PNPLA7: variants seen among roughly 807,000 people sequenced by gnomAD.
The protein encoded by PNPLA7 is patatin like domain 7, lysophospholipase, also known as patatin-like phospholipase domain-containing protein 7.
In PNPLA7, 153 loss-of-function variants were observed where a neutral mutation model predicts 161.7. That is an observed-to-expected ratio of 0.95 (90% CI 0.83 to 1.08). The LOEUF (loss-of-function observed/expected upper bound fraction) is 1.08. PNPLA7 is among the 50% of genes least tolerant of loss of function. The probability of loss-of-function intolerance (pLI) is 0.00; values close to 1 mark genes in which losing one functional copy is unlikely to be tolerated. For synonymous variants in PNPLA7, 809 were observed against 782.1 expected, an observed-to-expected ratio of 1.03 and a Z score of -0.57; for missense variants, 1,739 against 1,856.6, an observed-to-expected ratio of 0.94 and a Z score of 1.16.
At chr9:137,508,122 G>A (rs1834017724) in intron 12 of PNPLA7, among the ~76,000 whole-genome samples, 1 of 151,724 alleles carries the variant, frequency 6.6e-6, no homozygotes, top group Admixed American at 6.6e-5. Context: ...GAGCCCTCAT[G>A]GGCTGAGGCA....
chr9:137,543,895 A>C lies in PNPLA7; in HGVS notation c.274-80T>G, dbSNP rs1029038309. 4 of 1,239,282 alleles carry C rather than the reference A, an allele frequency of 3.2e-6. No homozygotes were observed. The highest frequency in any genetic ancestry group is 4.7e-6 in the Non-Finnish European group (4 of 846,300). The allele number at this position is 1,239,282 out of a possible 1,614,324, so 76.8% of individuals were successfully genotyped here. ...CTCTTTGCCATGGGGATCAGTCCTC[A>C]GGACCTGCCTGTGGGCCTCCCACAG... On this transcript the variant is annotated intron_variant, in intron 4 of 34. Transcript: ENST00000406427. This position sits in a 1 kb window ranked among gnomAD's most constrained non-coding sequence, Gnocchi z 6.9.
intron 25 of PNPLA7, among the ~76,000 whole-genome samples, chr9:137,475,654 G>A (rs922274929): frequency 3.3e-5 from 5 of 151,360 alleles, no homozygotes; most frequent in South Asian, 2.1e-4. Context: ...GATTACAGGC[G>A]TGAGCCACTG....
chr9:137,488,004 A>T (rs78186448), intron 20 of PNPLA7, among the ~76,000 whole-genome samples: 1 of 152,392 alleles, frequency 6.6e-6, no homozygotes, highest in Non-Finnish European at 1.5e-5. Flanking sequence ...AGTGGAAGGC[A>T]GGTGGCTTCT....
At chr9:137,464,510 A>G in intron 26 of PNPLA7, 54 bp from the exon 27 acceptor site, 1 of 1,508,780 alleles carries the variant, frequency 6.6e-7, no homozygotes, top group Admixed American at 1.7e-5. Context: ...GCGGGCTGCC[A>G]CAGCAGACAC....
In PNPLA7 at chr9:137,524,018, T is replaced by C. The variant is rs1399289682; in HGVS notation, c.748-1161A>G. Among the ~76,000 whole-genome samples, 1 of 152,212 alleles carries C rather than the reference T, an allele frequency of 6.6e-6. No individual in the cohort carries two copies. The highest frequency in any genetic ancestry group is 1.5e-5 in the Non-Finnish European group (1 of 68,032). On this transcript the variant is annotated intron_variant, in intron 8 of 34. Transcript: ENST00000406427. The surrounding 1 kb of genome is among the most constrained non-coding windows in gnomAD (Gnocchi z 4.4). The stretch of plus-strand genomic sequence containing the variant: ...CCTGCATGCAGAGGCAGATTCACCC[T>C]TTTTGGTGCACACCTCTAGCATTTT...
In PNPLA7 at chr9:137,464,411, T is replaced by G; in HGVS notation, c.3085A>C (p.Ile1029Leu). ...CCGGCTCCGGAGAACATGGACGTGA[T>G]GGGGTAGGTGAGGTCCAGCGCGGCC... Reference protein sequence around the residue: ...MKAALDLTYPITSMFSGAGFN... With the variant: ...MKAALDLTYPLTSMFSGAGFN... The change falls in exon 27 of 35, where the codon ATC becomes CTC. Residue 1029 changes from isoleucine (I) to leucine (L), a missense_variant. Physicochemically the swap from Ile to Leu is conservative, Grantham distance 5 (BLOSUM62 2). Transcript: ENST00000406427. 1.2e-6 allele frequency: 2 copies of G among 1,613,894 alleles called. No individual in the cohort carries two copies. The highest frequency in any genetic ancestry group is 1.7e-6 in the Non-Finnish European group (2 of 1,179,978).
chr9:137,540,428 C>T lies in PNPLA7; in HGVS notation c.747+214G>A, dbSNP rs1343223883. Among the ~76,000 whole-genome samples, 2 of 152,198 alleles carry T rather than the reference C, an allele frequency of 1.3e-5. No homozygotes were observed. Among genetic ancestry groups the T allele is most frequent in the Non-Finnish European group, 2.9e-5 (2 of 68,040 alleles). On this transcript the variant is annotated intron_variant, in intron 8 of 34. Coordinates refer to ENST00000406427, the MANE Select transcript of PNPLA7 (RefSeq NM_001098537.3). The surrounding 1 kb of genome is among the most constrained non-coding windows in gnomAD (Gnocchi z 5.1). ...CAGTCATTTAAGAGACAACCAAAAC[C>T]GTTAGCCACATGCCCGGCTATTCTT...
chr9:137,522,135 C>T lies in PNPLA7; in HGVS notation c.877-419G>A, dbSNP rs550474669. On this transcript the variant is annotated intron_variant, in intron 9 of 34. Coordinates refer to ENST00000406427, the MANE Select transcript of PNPLA7 (RefSeq NM_001098537.3). ...TGCCGCCCAGGCTGGAGTGCAGTGG[C>T]ACCATCTCGGCTCACTGCAAGCTCC... is the stretch of plus-strand genomic sequence containing the variant. 9.9e-3 allele frequency among the ~76,000 whole-genome samples: 1,512 copies of T among 152,286 alleles called. 6 individuals carry two copies. Among genetic ancestry groups the T allele is most frequent in the Non-Finnish European group, 0.013 (877 of 68,026 alleles).
rs1017535995 is a variant in PNPLA7 at position 137,550,385 on chromosome 9, G to A, written c.-188C>T. ...TCTCCAGGAAGAAAAGCTGTCTTTT[G>A]AGAAGTGTCTGTCATCTGCTAGGAG... On this transcript the variant is annotated 5_prime_UTR_variant, in exon 1 of 35. It introduces an in-frame stop codon into an upstream open reading frame of the 5' UTR. Transcript: ENST00000406427. 1 of 678,890 alleles carries A rather than the reference G, an allele frequency of 1.5e-6. No individual in the cohort carries two copies. The highest frequency in any genetic ancestry group is 2.6e-6 in the Non-Finnish European group (1 of 386,304). The allele number at this position is 678,890 out of a possible 1,614,324, so 42.1% of individuals were successfully genotyped here.
At chr9:137,492,757 G>A (rs1376896669) in intron 20 of PNPLA7, among the ~76,000 whole-genome samples, 5 of 147,726 alleles carry the variant, frequency 3.4e-5, no homozygotes, top group Non-Finnish European at 7.5e-5. Context: ...GGGTGGGCCG[G>A]GCTTCATGAC....
rs1420320642 is a variant in PNPLA7, at chr9:137,524,833, C to T, written c.748-1976G>A. ...GTGGAATGAGTTTCCGTGGATGCCC[C>T]GTGGAATGAGTTTCCTTGGATGCCC... On this transcript the variant is annotated intron_variant, in intron 8 of 34. Coordinates refer to ENST00000406427, the MANE Select transcript of PNPLA7 (RefSeq NM_001098537.3). The surrounding 1 kb of genome is among the most constrained non-coding windows in gnomAD (Gnocchi z 4.4). Among the ~76,000 whole-genome samples, 3 of 148,422 alleles carry T rather than the reference C, an allele frequency of 2.0e-5. No homozygotes were observed. Among genetic ancestry groups the T allele is most frequent in the South Asian group, 4.2e-4 (2 of 4,790 alleles).
intron 25 of PNPLA7, among the ~76,000 whole-genome samples, chr9:137,473,179 A>C (rs1279747884): frequency 1.3e-5 from 2 of 152,154 alleles, no homozygotes; most frequent in African/African-American, 2.4e-5. Context: ...ACCTCCCACC[A>C]GGTCCCTCCC....
chr9:137,525,244 A>G (rs978425680), intron 8 of PNPLA7, among the ~76,000 whole-genome samples: 1 of 152,226 alleles, frequency 6.6e-6, no homozygotes, highest in East Asian at 1.9e-4. Context: ...CAGGAGGTAT[A>G]GGGTCCAGCC....
chr9:137,537,133 T>C lies in PNPLA7; in HGVS notation c.747+3509A>G, dbSNP rs1046469617. Among the ~76,000 whole-genome samples the C allele has an allele frequency of 1.3e-5, 2 of 152,168 alleles. No individual in the cohort carries two copies. The highest frequency in any genetic ancestry group is 1.3e-4 in the Admixed American group (2 of 15,276). On this transcript the variant is annotated intron_variant, in intron 8 of 34. Coordinates refer to ENST00000406427, the MANE Select transcript of PNPLA7 (RefSeq NM_001098537.3). The surrounding 1 kb of genome is among the most constrained non-coding windows in gnomAD (Gnocchi z 4.5). The stretch of plus-strand genomic sequence containing the variant: ...TCAGAAGGAACCGAAGCGTTTTCAG[T>C]GTGAGGGGACAGACGGCCACTGTTG...
At position 137,484,603 on chromosome 9, in the gene PNPLA7, A is replaced by T; in HGVS notation, c.2331T>A (p.His777Gln). Residue 777 changes from histidine to glutamine, a missense_variant, in exon 21 of 35, where the codon CAT (histidine) becomes CAA (glutamine). Coordinates refer to ENST00000406427, the MANE Select transcript of PNPLA7 (RefSeq NM_001098537.3). ...PLTAFALELEHALSAIGPTLL... is the reference protein window; with the variant it reads ...PLTAFALELEQALSAIGPTLL... Reference sequence around the variant, plus strand: ...CAGGCTTACCGATGGCGCTGAGGGCATGCTCCAGCTCCAGGGCGAAGGCGG... The same window carrying T: ...CAGGCTTACCGATGGCGCTGAGGGCTTGCTCCAGCTCCAGGGCGAAGGCGG... 6.2e-7 allele frequency: 1 copy of T among 1,610,268 alleles called. No homozygotes were observed. The highest frequency in any genetic ancestry group is 8.5e-7 in the Non-Finnish European group (1 of 1,177,974).
chr9:137,541,560 C>A lies in PNPLA7; in HGVS notation c.667-838G>T, dbSNP rs1292878069. 2 of 931,548 alleles carry A rather than the reference C, an allele frequency of 2.1e-6. No individual in the cohort carries two copies. The highest frequency in any genetic ancestry group is 3.6e-5 in the African/African-American group (2 of 56,164). 57.7% of individuals were successfully genotyped at this position (931,548 alleles called of 1,614,324 possible). A position where few individuals can be genotyped will look rare whatever the true frequency, so the allele number is the denominator to read the frequency against. On this transcript the variant is annotated intron_variant, in intron 7 of 34. Transcript: ENST00000406427. This position sits in a 1 kb window ranked among gnomAD's most constrained non-coding sequence, Gnocchi z 4.4. ...GGTCAGGGTGATGATCACACAAAGC[C>A]CAGGGTTTGCTGAGTGCGTGCTTTA...
chr9:137,527,686 T>C (rs1049370004), intron 8 of PNPLA7, among the ~76,000 whole-genome samples: 22 of 152,230 alleles, frequency 1.4e-4, no homozygotes, highest in African/African-American at 5.3e-4. Flanking sequence ...ATGTTTCTAA[T>C]GATGAGTGAC....
At chr9:137,487,302 G>C (rs1056990863) in intron 20 of PNPLA7, among the ~76,000 whole-genome samples, 8 of 152,256 alleles carry the variant, frequency 5.3e-5, no homozygotes, top group African/African-American at 1.7e-4. Flanking sequence ...GAGACGTGCA[G>C]AGGCATCCAC....
At position 137,540,019 on chromosome 9, in the gene PNPLA7, T is replaced by C. The variant is rs1057233343; in HGVS notation, c.747+623A>G. On this transcript the variant is annotated intron_variant, in intron 8 of 34. Coordinates refer to ENST00000406427, the MANE Select transcript of PNPLA7 (RefSeq NM_001098537.3). The surrounding 1 kb of genome is among the most constrained non-coding windows in gnomAD (Gnocchi z 5.1). ...CAGGCTGGTCTCGATCTCTTGACCT[T>C]GTGATCCACCCACCTCAGCCTCGCA... Among the ~76,000 whole-genome samples the C allele has an allele frequency of 2.6e-5, 4 of 152,068 alleles. No homozygotes were observed. Among genetic ancestry groups the C allele is most frequent in the Non-Finnish European group, 5.9e-5 (4 of 68,002 alleles).
Sources: allele counts gnomAD v4.1 joint callset (sites outside exome capture counted in the v4.1 genomes callset), GRCh38; gene constraint gnomAD v4.1.1; non-coding constraint Gnocchi (gnomAD v3.1); transcripts MANE v1.5; gene names NCBI Gene and HGNC (gene_info 2026-07-23, HGNC 2026-07-21).